The following STC1 variants were observed in gnomAD, a reference collection of about 807,000 sequenced individuals.
STC1 encodes stanniocalcin 1, also known as stanniocalcin-1.
Under a neutral mutation model 22.6 loss-of-function variants are expected in STC1, and 7 were observed. The observed-to-expected ratio is 0.31, with a 90% CI of 0.18 to 0.58. The LOEUF is 0.58. Among genes scored for constraint, STC1 ranks in the 20% least tolerant of loss-of-function variants. The probability of loss-of-function intolerance (pLI) is 0.89; values close to 1 mark genes in which losing one functional copy is unlikely to be tolerated. For missense variants in STC1, 224 were observed against 311.0 expected (o/e 0.72, Z 2.10); for synonymous variants, 113 against 120.7 (o/e 0.94, Z 0.42).
At chr8:23,849,964 G>A (rs951643047) in intron 3 of STC1, among the ~76,000 whole-genome samples, 10 of 124,240 alleles carry the variant, frequency 8.0e-5, no homozygotes, top group Admixed American at 4.3e-4. Context: ...GTTATATAGA[G>A]ACAGCCCACT....
chr8:23,852,125 G>A (rs561777281), intron 2 of STC1, 117 bp downstream of exon 2: 19 of 1,217,212 alleles, frequency 1.6e-5, no homozygotes, highest in Non-Finnish European at 2.1e-5. Context: ...TGGGAATTTA[G>A]AGTGGGGAAG....
chr8:23,845,597 T>C (rs1447507081), intron 3 of STC1, among the ~76,000 whole-genome samples: 1 of 152,056 alleles, frequency 6.6e-6, no homozygotes, highest in East Asian at 1.9e-4. Flanking sequence ...CATCTTCTGA[T>C]GAAACTTCTG....
intron 3 of STC1, among the ~76,000 whole-genome samples, chr8:23,848,810 GT>G (rs921817063): frequency 1.1e-4 from 17 of 152,082 alleles, no homozygotes; most frequent in African/African-American, 4.1e-4. Context: ...CTGTGTGAGG[GT>G]TTATAAATAG....
chr8:23,851,331 G>A lies in STC1; in HGVS notation c.462C>T (p.His154=), dbSNP rs766008147. Residue 154 remains histidine (H), a synonymous_variant, in exon 3 of 4, where the codon CAC becomes CAT. Transcript: ENST00000290271. ...AITEVVQLPN[H]FSNRYYNRLV... is the part of the protein sequence containing the mutation. The stretch of plus-strand genomic sequence containing the variant: ...GACTCAGTTTGTACCTGTTGGAGAA[G>A]TGATTGGGCAGCTGGACGACCTCAG... The A allele has an allele frequency of 6.2e-7, 1 of 1,614,174 alleles. No individual in the cohort carries two copies. The highest frequency in any genetic ancestry group is 1.6e-4 in the Middle Eastern group (1 of 6,062).
chr8:23,846,789 T>C (rs963154005), intron 3 of STC1, among the ~76,000 whole-genome samples: 3 of 152,170 alleles, frequency 2.0e-5, no homozygotes, highest in Admixed American at 1.3e-4. Context: ...ATTGTCCAAC[T>C]CTTTGGAATT....
Position 23,854,391 on chromosome 8 carries a change from G to A in STC1, c.118+15C>T, listed in dbSNP as rs371873812. 25 of 1,610,028 alleles carry A rather than the reference G, an allele frequency of 1.6e-5. No homozygotes were observed. In the African/African-American group the frequency reaches 3.2e-4, roughly 21 times the overall value. On this transcript the variant is annotated intron_variant, in intron 1 of 3. Coordinates refer to ENST00000290271, the MANE Select transcript of STC1 (RefSeq NM_003155.3). The stretch of plus-strand genomic sequence containing the variant: ...GCTCTTTGGGGGAGAAACCGCTCTT[G>A]GGTTTGCTGCTTACCTGAGTTTTGA...
Position 23,842,637 on chromosome 8 carries a change from A to C in STC1, c.*2133T>G, listed in dbSNP as rs1001070082. Reference sequence around the variant, plus strand: ...ATGGACACAACACACAAACTTTAATAGCTTTTCTGATTCAGAGAAGTCAGC... The same window carrying C: ...ATGGACACAACACACAAACTTTAATCGCTTTTCTGATTCAGAGAAGTCAGC... On this transcript the variant is annotated 3_prime_UTR_variant, in exon 4 of 4. Transcript: ENST00000290271. The C allele has an allele frequency of 6.6e-6, 1 of 152,346 alleles. No individual in the cohort carries two copies. The highest frequency in any genetic ancestry group is 2.4e-5 in the African/African-American group (1 of 41,368). 9.4% of individuals were successfully genotyped at this position (152,346 alleles called of 1,614,324 possible).
intron 3 of STC1, among the ~76,000 whole-genome samples, chr8:23,849,046 C>A (rs1802606204): frequency 6.6e-6 from 1 of 152,206 alleles, no homozygotes; most frequent in Admixed American, 6.5e-5. Context: ...TACCTCTTTA[C>A]CCTCTAGGTG....
Position 23,854,538 on chromosome 8 carries a change from C to G in STC1, c.-15G>C. 1 of 1,608,026 alleles carries G rather than the reference C, an allele frequency of 6.2e-7. No homozygotes were observed. Among genetic ancestry groups the G allele is most frequent in the South Asian group, 1.1e-5 (1 of 89,834 alleles). ...TTTTGGAGCATTCTCTGAGAAGTTT[C>G]CGCTAAGTTGTTGGGTTTTTTTTTT... On this transcript the variant is annotated 5_prime_UTR_variant, in exon 1 of 4. Transcript: ENST00000290271.
chr8:23,849,312 C>A (rs1802609118), intron 3 of STC1, among the ~76,000 whole-genome samples: 1 of 152,176 alleles, frequency 6.6e-6, no homozygotes, highest in Non-Finnish European at 1.5e-5. Context: ...TGGAACCGGA[C>A]ATTTCTACAA....
At position 23,854,661 on chromosome 8, in the gene STC1, T is replaced by G. The variant is rs1438453; in HGVS notation, c.-138A>C. 0.11 allele frequency: 92,837 copies of G among 833,982 alleles called. 5,821 individuals are homozygous for G. Among genetic ancestry groups the G allele is most frequent in the Admixed American group, 0.21 (11,400 of 54,482 alleles). The allele number at this position is 833,982 out of a possible 1,614,324, so 51.7% of individuals were successfully genotyped here. On this transcript the variant is annotated 5_prime_UTR_variant, in exon 1 of 4. Transcript: ENST00000290271. ...GGTGAGGATTTGATGAGGATTTTTTTTTGTTGTTGTTGCTGGTGATGCTGC... is the reference window on the plus strand; with the variant it reads ...GGTGAGGATTTGATGAGGATTTTTTGTTGTTGTTGTTGCTGGTGATGCTGC...
In STC1 at chr8:23,844,651, G is replaced by A; in HGVS notation, c.*119C>T. 8.5e-7 allele frequency: 1 copy of A among 1,171,964 alleles called. No homozygotes were observed. Among genetic ancestry groups the A allele is most frequent in the Admixed American group, 2.6e-5 (1 of 38,104 alleles). 72.6% of individuals were successfully genotyped at this position (1,171,964 alleles called of 1,614,324 possible). ...AGTTTCATGCAATTTTCTTTAAGGGGGATAGAAAATAGGAACTACTTTAAA... is the reference window on the plus strand; with the variant it reads ...AGTTTCATGCAATTTTCTTTAAGGGAGATAGAAAATAGGAACTACTTTAAA... On this transcript the variant is annotated 3_prime_UTR_variant, in exon 4 of 4. Coordinates refer to ENST00000290271, the MANE Select transcript of STC1 (RefSeq NM_003155.3).
intron 3 of STC1, among the ~76,000 whole-genome samples, chr8:23,847,069 C>T (rs1447698470): frequency 6.6e-6 from 1 of 152,182 alleles, no homozygotes; most frequent in Non-Finnish European, 1.5e-5. Flanking sequence ...GAAGTTAACC[C>T]TTCCATTTCT....
Position 23,841,931 on chromosome 8 carries a change from A to C in STC1, c.*2839T>G, listed in dbSNP as rs774085758. On this transcript the variant is annotated 3_prime_UTR_variant, in exon 4 of 4. Coordinates refer to ENST00000290271, the MANE Select transcript of STC1 (RefSeq NM_003155.3). ...TGAAAGACATGGGGGGAAACCAATA[A>C]AACGTAACACTTTATTATTATTTTT... 6.6e-6 allele frequency: 1 copy of C among 152,638 alleles called. No homozygotes were observed. Among genetic ancestry groups the C allele is most frequent in the Non-Finnish European group, 1.5e-5 (1 of 68,034 alleles). The allele number at this position is 152,638 out of a possible 1,614,324, so 9.5% of individuals were successfully genotyped here. A position where few individuals can be genotyped will look rare whatever the true frequency, so the allele number is the denominator to read the frequency against.
At chr8:23,854,096 T>C (rs1432809063) in intron 1 of STC1, 5 of 1,191,302 alleles carry the variant, frequency 4.2e-6, no homozygotes, top group African/African-American at 1.5e-5. Flanking sequence ...CATGCCAACA[T>C]TCAAGCCTTT....
chr8:23,849,052 A>G (rs1450021984), intron 3 of STC1, among the ~76,000 whole-genome samples: 1 of 152,180 alleles, frequency 6.6e-6, no homozygotes, highest in Non-Finnish European at 1.5e-5. Flanking sequence ...TTTACCCTCT[A>G]GGTGCATTTC....
Position 23,844,985 on chromosome 8 carries a change from T to C in STC1, c.529A>G (p.Thr177Ala), listed in dbSNP as rs1203804884. The C allele has an allele frequency of 6.2e-7, 1 of 1,614,068 alleles. No homozygotes were observed. Among genetic ancestry groups the C allele is most frequent in the Non-Finnish European group, 8.5e-7 (1 of 1,180,030 alleles). ...TTCTCCATCAGGCTGTCTCTGATTG[T>C]GCTGACTGTGTCTTCATCACATTCC... is the stretch of plus-strand genomic sequence containing the variant. Reference protein sequence around the residue: ...LLECDEDTVSTIRDSLMEKIG... With the variant: ...LLECDEDTVSAIRDSLMEKIG... The change falls in exon 4 of 4, where the codon ACA (threonine) becomes GCA (alanine). Residue 177 changes from threonine (T) to alanine (A), a missense_variant. Physicochemically the swap from Thr to Ala is moderately conservative, Grantham distance 58. Transcript: ENST00000290271.
chr8:23,844,174 T>G lies in STC1; in HGVS notation c.*596A>C, dbSNP rs895999506. ...TGCAAGAAGATGCAGGCTCAAAGTC[T>G]GGTTGGACAGCCAGGCTCAAGCAAT... On this transcript the variant is annotated 3_prime_UTR_variant, in exon 4 of 4. Coordinates refer to ENST00000290271, the MANE Select transcript of STC1 (RefSeq NM_003155.3). 3.9e-5 allele frequency: 6 copies of G among 153,914 alleles called. No individual in the cohort carries two copies. The highest frequency in any genetic ancestry group is 1.4e-4 in the African/African-American group (6 of 41,458). 9.5% of individuals were successfully genotyped at this position (153,914 alleles called of 1,614,324 possible).
In STC1 at chr8:23,844,974, G is replaced by A. The variant is rs148485860; in HGVS notation, c.540C>T (p.Asp180=). The change falls in exon 4 of 4, where the codon GAC becomes GAT. Residue 180 remains aspartate (D), a synonymous_variant. Coordinates refer to ENST00000290271, the MANE Select transcript of STC1 (RefSeq NM_003155.3). ...TAGGCCCAATTTTCTCCATCAGGCT[G>A]TCTCTGATTGTGCTGACTGTGTCTT... ...CDEDTVSTIR[D]SLMEKIGPNM... is the part of the protein sequence containing the mutation. The A allele has an allele frequency of 1.4e-5, 22 of 1,614,084 alleles. No homozygotes were observed. In the African/African-American group the frequency reaches 2.4e-4, roughly 18 times the overall value.
Sources: allele counts gnomAD v4.1 joint callset (sites outside exome capture counted in the v4.1 genomes callset), GRCh38; gene constraint gnomAD v4.1.1; transcripts MANE v1.5; gene names NCBI Gene and HGNC (gene_info 2026-07-23, HGNC 2026-07-21).